GRIK4: variants seen among roughly 807,000 people sequenced by gnomAD.
GRIK4 encodes glutamate ionotropic receptor kainate type subunit 4.
A neutral mutation model predicts 104.9 loss-of-function variants in GRIK4; 40 were observed. The ratio of observed to expected loss-of-function variants is 0.38; its 90% confidence interval spans 0.30 to 0.50. The LOEUF (loss-of-function observed/expected upper bound fraction) is 0.50. Ranked by LOEUF, GRIK4 falls within the 20% of genes least tolerant of loss-of-function variation. The probability of loss-of-function intolerance (pLI) is 0.93; values close to 1 mark genes in which losing one functional copy is unlikely to be tolerated. For missense variants in GRIK4, 1,047 were observed against 1,308.1 expected, an observed-to-expected ratio of 0.80 and a Z score of 3.08; for synonymous variants, 485 against 524.9, an observed-to-expected ratio of 0.92 and a Z score of 1.04.
chr11:120,567,819 G>A (rs1948349876), intron 1 of GRIK4, among the ~76,000 whole-genome samples: 1 of 152,194 alleles, frequency 6.6e-6, no homozygotes, highest in African/African-American at 2.4e-5. Flanking sequence ...AAAGTCTTAT[G>A]TTCTATTCCC....
chr11:120,644,899 T>TA (rs955966770), intron 1 of GRIK4, among the ~76,000 whole-genome samples: 3 of 151,572 alleles, frequency 2.0e-5, no homozygotes, highest in African/African-American at 4.9e-5. Context: ...ATAATAATAA[T>TA]AAAAAAAGAG....
Position 120,986,147 on chromosome 11 carries a change from C to T in GRIK4, c.2758C>T (p.Arg920Cys), listed in dbSNP as rs1944744761. ...ALVARGCTHI[R>C]VCPECRRFQG... ...GGTGGCCCGCGGCTGCACGCACATC[C>T]GCGTCTGCCCCGAGTGCCGCCGCTT... Residue 920 changes from arginine (R) to cysteine (C), a missense_variant, in exon 21 of 21, where the codon CGC becomes TGC. By Grantham distance (180) the Arg-to-Cys change is radical (BLOSUM62 -3). Around this residue, in one of 3 missense-constraint regions of GRIK4, gnomAD observed 160 missense variants for 140.9 expected, o/e 1.14. Transcript: ENST00000527524. The T allele has an allele frequency of 1.3e-6, 2 of 1,534,446 alleles. No individual in the cohort carries two copies. The highest frequency in any genetic ancestry group is 1.7e-6 in the Non-Finnish European group (2 of 1,149,696).
intron 3 of GRIK4, among the ~76,000 whole-genome samples, chr11:120,695,169 T>A (rs1401399657): frequency 6.6e-6 from 1 of 152,116 alleles, no homozygotes; most frequent in Non-Finnish European, 1.5e-5. Flanking sequence ...CCCAGGAGCA[T>A]GGGGGGTGTT....
At chr11:120,875,385 C>G (rs1247709868) in intron 11 of GRIK4, 142 bp downstream of exon 11, 4 of 642,110 alleles carry the variant, frequency 6.2e-6, no homozygotes, top group African/African-American at 1.8e-5. Flanking sequence ...CTGACCTGCA[C>G]CAGCCTCTCC....
intron 3 of GRIK4, among the ~76,000 whole-genome samples, chr11:120,793,567 G>A (rs1337843333): frequency 1.3e-5 from 2 of 152,182 alleles, no homozygotes; most frequent in Admixed American, 6.5e-5. Context: ...CAGTGTGTGA[G>A]CTGAGAGCCA....
chr11:120,640,448 T>C (rs1194732188), intron 1 of GRIK4, among the ~76,000 whole-genome samples: 1 of 152,172 alleles, frequency 6.6e-6, no homozygotes, highest in Non-Finnish European at 1.5e-5. Flanking sequence ...TAAATTTAAA[T>C]CTCTTAAACC....
At chr11:120,874,242 A>G in intron 10 of GRIK4, 24 bp downstream of exon 10, 1 of 1,596,638 alleles carries the variant, frequency 6.3e-7, no homozygotes. Flanking sequence ...GAGGCCCTGC[A>G]GGGCTGTGCC....
intron 13 of GRIK4, among the ~76,000 whole-genome samples, chr11:120,927,565 CAAAAAAAA>C (rs56223442): frequency 2.3e-4 from 23 of 101,596 alleles, no homozygotes; most frequent in Middle Eastern, 6.1e-3. Context: ...GACTCTGTCT[CAAAAAAAA>C]AAAAAAAAAA....
chr11:120,875,104 C>T (rs746397659), intron 10 of GRIK4, 35 bp from the exon 11 acceptor site: 4 of 1,328,284 alleles, frequency 3.0e-6, no homozygotes, highest in Non-Finnish European at 4.3e-6. Context: ...AACCTGGGGC[C>T]TGTTTGGTGC....
intron 1 of GRIK4, among the ~76,000 whole-genome samples, chr11:120,574,799 T>C (rs1948456886): frequency 6.6e-6 from 1 of 152,196 alleles, no homozygotes; most frequent in African/African-American, 2.4e-5. Flanking sequence ...CGCTTTCCTC[T>C]GTGTCTCCCT....
intron 1 of GRIK4, among the ~76,000 whole-genome samples, chr11:120,517,883 G>C (rs2136071064): frequency 6.6e-6 from 1 of 152,242 alleles, no homozygotes; most frequent in East Asian, 1.9e-4. Context: ...TAAAGAGGAG[G>C]ATTTAATAGA....
At chr11:120,522,065 G>A (rs1302643299) in intron 1 of GRIK4, among the ~76,000 whole-genome samples, 1 of 152,172 alleles carries the variant, frequency 6.6e-6, no homozygotes, top group Non-Finnish European at 1.5e-5. Flanking sequence ...AACCACAGAG[G>A]TTATGTAGCT....
intron 1 of GRIK4, among the ~76,000 whole-genome samples, chr11:120,534,327 T>A (rs1227907875): frequency 6.6e-6 from 1 of 151,836 alleles, no homozygotes; most frequent in Non-Finnish European, 1.5e-5. Flanking sequence ...GGCTTTGAAG[T>A]GACTGAGGGA....
chr11:120,686,995 C>T (rs907833709), intron 3 of GRIK4, among the ~76,000 whole-genome samples: 5 of 152,204 alleles, frequency 3.3e-5, no homozygotes, highest in African/African-American at 1.2e-4. Flanking sequence ...ACACTAATTA[C>T]CTGACATTGA....
At chr11:120,764,647 C>A (rs2135446440) in intron 3 of GRIK4, among the ~76,000 whole-genome samples, 1 of 151,626 alleles carries the variant, frequency 6.6e-6, no homozygotes, top group South Asian at 2.1e-4. Flanking sequence ...GTAAGGCAGG[C>A]CTGGTGGTGA....
chr11:120,737,052 T>A (rs1323158765), intron 3 of GRIK4, among the ~76,000 whole-genome samples: 1 of 152,206 alleles, frequency 6.6e-6, no homozygotes, highest in Non-Finnish European at 1.5e-5. Context: ...GGATAGTCGT[T>A]GCAATGGATT....
rs116452328 is a variant in GRIK4 at position 120,830,696 on chromosome 11, G to T, written c.512-1156G>T. On this transcript the variant is annotated intron_variant, in intron 6 of 20. Coordinates refer to ENST00000527524, the MANE Select transcript of GRIK4 (RefSeq NM_014619.5). ...GATTATAATACTTTATGGGATTGTC[G>T]TGAGGACTTACATGAGATAAGCCAT... Among the ~76,000 whole-genome samples, 1,059 of 152,234 alleles carry T rather than the reference G, an allele frequency of 7.0e-3. 5 individuals carry two copies. Among genetic ancestry groups the T allele is most frequent in the African/African-American group, 0.024 (997 of 41,524 alleles).
intron 3 of GRIK4, among the ~76,000 whole-genome samples, chr11:120,725,438 G>C (rs899571076): frequency 3.3e-5 from 5 of 152,186 alleles, no homozygotes; most frequent in African/African-American, 1.2e-4. Context: ...GGCTTTAATT[G>C]GGTGCTGTAG....
At chr11:120,887,093 T>C (rs906307562) in intron 11 of GRIK4, among the ~76,000 whole-genome samples, 3 of 152,276 alleles carry the variant, frequency 2.0e-5, no homozygotes, top group African/African-American at 7.2e-5. Context: ...GAAATCTTCC[T>C]TTCTAAAGCC....
Sources: allele counts gnomAD v4.1 joint callset (sites outside exome capture counted in the v4.1 genomes callset), GRCh38; gene constraint gnomAD v4.1.1; regional missense constraint gnomAD v4.1.1; transcripts MANE v1.5; gene names NCBI Gene and HGNC (gene_info 2026-07-23, HGNC 2026-07-21).